The following SHANK2 variants were observed in gnomAD, a reference collection of about 807,000 sequenced individuals.
The protein encoded by SHANK2 is SH3 and multiple ankyrin repeat domains protein 2.
A neutral mutation model predicts 133.7 loss-of-function variants in SHANK2; 43 were observed. The ratio of observed to expected loss-of-function variants is 0.32; its 90% CI spans 0.25 to 0.41. The LOEUF (loss-of-function observed/expected upper bound fraction) is 0.41, where lower values mean the gene tolerates loss of function less well. Among genes scored for constraint, SHANK2 ranks in the 10% least tolerant of loss-of-function variants. The pLI is 1.00. For missense variants in SHANK2, 1,994 were observed against 2,235.8 expected, an observed-to-expected ratio of 0.89 and a Z score of 2.18; for synonymous variants, 1,017 against 952.8, an observed-to-expected ratio of 1.07 and a Z score of -1.24.
intron 11 of SHANK2, among the ~76,000 whole-genome samples, chr11:70,880,016 A>G (rs1354173606): frequency 1.3e-5 from 2 of 152,184 alleles, no homozygotes; most frequent in African/African-American, 4.8e-5. Flanking sequence ...TGGCCCACTC[A>G]GTGGTAGATG....
intron 17 of SHANK2, among the ~76,000 whole-genome samples, chr11:70,581,221 T>C (rs1402768336): frequency 6.6e-6 from 1 of 152,194 alleles, no homozygotes; most frequent in Non-Finnish European, 1.5e-5. Flanking sequence ...GTCACTGAAA[T>C]AAAACCACAA....
At chr11:70,584,532 C>T (rs1017098844) in intron 17 of SHANK2, among the ~76,000 whole-genome samples, 10 of 152,118 alleles carry the variant, frequency 6.6e-5, no homozygotes, top group African/African-American at 2.2e-4. Flanking sequence ...CACCCCAGGG[C>T]TGGGTACCGG....
intron 3 of SHANK2, among the ~76,000 whole-genome samples, chr11:71,125,926 G>C (rs1422449136): frequency 6.6e-6 from 1 of 152,074 alleles, no homozygotes; most frequent in East Asian, 1.9e-4. Flanking sequence ...TAAGAATGAT[G>C]CTAAATCAAT....
intron 10 of SHANK2, among the ~76,000 whole-genome samples, chr11:70,944,444 A>C (rs1950693230): frequency 6.6e-6 from 1 of 152,156 alleles, no homozygotes; most frequent in Non-Finnish European, 1.5e-5. Flanking sequence ...AGAAAGCAGC[A>C]TAGGAGGGGC....
At chr11:71,093,336 C>T (rs782013561) in intron 7 of SHANK2, among the ~76,000 whole-genome samples, 5 of 152,160 alleles carry the variant, frequency 3.3e-5, no homozygotes, top group African/African-American at 4.8e-5. Context: ...TAGCAAGCAT[C>T]GCGTCTTCAA....
chr11:71,082,950 C>CCT (rs1233108132), intron 8 of SHANK2, among the ~76,000 whole-genome samples: 3 of 148,866 alleles, frequency 2.0e-5, no homozygotes, highest in African/African-American at 7.5e-5. Context: ...CCCGCCCCCC[C>CCT]CCCAACCCTT....
At position 71,252,100 on chromosome 11, in the gene SHANK2, C is replaced by T. The variant is rs1948193856; in HGVS notation, c.-113+325G>A. On this transcript the variant is annotated intron_variant, in intron 1 of 25. Coordinates refer to ENST00000601538, the MANE Select transcript of SHANK2 (RefSeq NM_012309.5). This position sits in a 1 kb window ranked among gnomAD's most constrained non-coding sequence, Gnocchi z 6.3. Reference sequence around the variant, plus strand: ...CGCGCCAGAGACTACGTGGTCCATGCGCGCAGGAGATAAAGCGGGGGCTCC... The same window carrying T: ...CGCGCCAGAGACTACGTGGTCCATGTGCGCAGGAGATAAAGCGGGGGCTCC... Among the ~76,000 whole-genome samples, 1 of 152,138 alleles carries T rather than the reference C, an allele frequency of 6.6e-6. No homozygotes were observed. Among genetic ancestry groups the T allele is most frequent in the Admixed American group, 6.5e-5 (1 of 15,282 alleles).
chr11:70,952,455 GGATA>G (rs1950858452), intron 10 of SHANK2, among the ~76,000 whole-genome samples: 1 of 152,184 alleles, frequency 6.6e-6, no homozygotes, highest in Non-Finnish European at 1.5e-5. Context: ...CTTTTAAAGT[GGATA>G]GACACAAGCT....
chr11:70,924,229 G>A (rs969251999), intron 10 of SHANK2, among the ~76,000 whole-genome samples: 4 of 152,014 alleles, frequency 2.6e-5, no homozygotes, highest in Non-Finnish European at 5.9e-5. Flanking sequence ...GATACTGACC[G>A]GCCTGACCTG....
chr11:70,552,556 T>C (rs1414898728), intron 17 of SHANK2, among the ~76,000 whole-genome samples: 1 of 152,224 alleles, frequency 6.6e-6, no homozygotes, highest in Non-Finnish European at 1.5e-5. Context: ...CATTCGTCTA[T>C]GAAGCGATTC....
intron 2 of SHANK2, among the ~76,000 whole-genome samples, chr11:71,149,061 C>CAGAT (rs1555107344): frequency 6.6e-6 from 1 of 152,156 alleles, no homozygotes; most frequent in Non-Finnish European, 1.5e-5. Context: ...GTTGGGGACA[C>CAGAT]AGATGTTTGC....
At chr11:70,659,148 G>A (rs1466377165) in intron 17 of SHANK2, among the ~76,000 whole-genome samples, 1 of 152,084 alleles carries the variant, frequency 6.6e-6, no homozygotes, top group African/African-American at 2.4e-5. Context: ...ACACACCAAC[G>A]TGCCAACCGT....
At chr11:70,786,652 T>A (rs182626913) in intron 14 of SHANK2, among the ~76,000 whole-genome samples, 1 of 151,966 alleles carries the variant, frequency 6.6e-6, no homozygotes, top group African/African-American at 2.4e-5. Context: ...TTTCTTTACA[T>A]CAAGAGGGGA....
intron 17 of SHANK2, among the ~76,000 whole-genome samples, chr11:70,637,638 C>T (rs1555004838): frequency 1.3e-5 from 2 of 152,246 alleles, no homozygotes; most frequent in Admixed American, 1.3e-4. Flanking sequence ...AAGGCCGGGG[C>T]ACAAAGGATG....
At chr11:70,922,454 C>CTG (rs1950365329) in intron 10 of SHANK2, among the ~76,000 whole-genome samples, 1 of 152,088 alleles carries the variant, frequency 6.6e-6, no homozygotes, top group Non-Finnish European at 1.5e-5. Context: ...GCTAGGCACA[C>CTG]AAATACTGAA....
At chr11:70,492,695 G>T (rs1565535269) in intron 21 of SHANK2, among the ~76,000 whole-genome samples, 1 of 151,622 alleles carries the variant, frequency 6.6e-6, no homozygotes, top group Non-Finnish European at 1.5e-5. Context: ...GGACATAGAA[G>T]ACCCTCCACA....
chr11:70,664,071 G>A (rs1157364254), intron 15 of SHANK2, among the ~76,000 whole-genome samples: 1 of 152,188 alleles, frequency 6.6e-6, no homozygotes, highest in Admixed American at 6.5e-5. Context: ...AGGTGGCCAG[G>A]ACTCTGCAGC....
At chr11:70,663,725 T>C (rs1944625627) in intron 15 of SHANK2, among the ~76,000 whole-genome samples, 1 of 152,130 alleles carries the variant, frequency 6.6e-6, no homozygotes, top group Admixed American at 6.5e-5. Flanking sequence ...AGGTCCACTC[T>C]GGGGAACTCG....
In SHANK2 at chr11:70,900,364, A is replaced by G. The variant is rs868947717; in HGVS notation, c.1108-3797T>C. 1.5e-3 allele frequency among the ~76,000 whole-genome samples: 228 copies of G among 152,188 alleles called. 2 individuals are homozygous for G. In the Middle Eastern group the frequency reaches 0.017, roughly 11 times the overall value. On this transcript the variant is annotated intron_variant, in intron 10 of 25. Coordinates refer to ENST00000601538, the MANE Select transcript of SHANK2 (RefSeq NM_012309.5). ...CGAGACTCGGTGTCAAAAAAAAAAAAAAGTTTGCTATGATTAGAAAAATGA... is the reference window on the plus strand; with the variant it reads ...CGAGACTCGGTGTCAAAAAAAAAAAGAAGTTTGCTATGATTAGAAAAATGA...
Sources: gnomAD v4.1 joint callset for allele counts (sites outside exome capture counted in the v4.1 genomes callset) on GRCh38, gnomAD v4.1.1 for gene constraint, Gnocchi (gnomAD v3.1) non-coding constraint, MANE v1.5 for transcripts, NCBI Gene and HGNC (gene_info 2026-07-23, HGNC 2026-07-21) for gene names.